COL4A5: variants seen among roughly 807,000 people sequenced by gnomAD.
The protein encoded by COL4A5 is collagen type IV alpha 5 chain, also known as collagen alpha-5(IV) chain.
A neutral mutation model predicts 130.2 loss-of-function variants in COL4A5; 26 were observed. The observed-to-expected ratio is 0.20, with a 90% CI of 0.15 to 0.28. The LOEUF is 0.28. Ranked by LOEUF, COL4A5 falls within the 10% of genes least tolerant of loss-of-function variation. The pLI, the probability that COL4A5 is intolerant of heterozygous loss-of-function variation, is 1.00. For missense variants in COL4A5, 1,131 were observed against 1,344.3 expected (o/e 0.84, Z 2.48); for synonymous variants, 496 against 439.6 (o/e 1.13, Z -1.60).
intron 1 of COL4A5, among the ~76,000 whole-genome samples, chrX:108,485,325 GCCGAAGTCCCCTTTACTTTT>G: frequency 9.0e-6 from 1 of 111,716 alleles, no homozygotes; most frequent in African/African-American, 3.3e-5. Flanking sequence ...TAAAGTGCAA[GCCGAAGTCCCCTTTACTTTT>G]CCCTCTCCTT....
At chrX:108,545,798 T>C (rs2065639663) in intron 2 of COL4A5, among the ~76,000 whole-genome samples, 1 of 111,537 alleles carries the variant, frequency 9.0e-6, no homozygotes, top group Admixed American at 9.5e-5. Flanking sequence ...GCTCCTGTAT[T>C]GGGTGCATAT....
At chrX:108,571,265 T>C (rs909413380) in intron 6 of COL4A5, 148 bp from the exon 7 acceptor site, 4 of 452,792 alleles carry the variant, frequency 8.8e-6, no homozygotes, top group Non-Finnish European at 1.2e-5. Context: ...ATTGAAGTAA[T>C]TGGAAAGTGA....
intron 6 of COL4A5, among the ~76,000 whole-genome samples, chrX:108,570,341 A>T (rs992307185): frequency 6.3e-5 from 7 of 111,084 alleles, no homozygotes; most frequent in Non-Finnish European, 9.4e-5. Flanking sequence ...TTACTTATTT[A>T]TTTTTGCCAG....
At chrX:108,477,031 A>G (rs2064839703) in intron 1 of COL4A5, among the ~76,000 whole-genome samples, 2 of 111,657 alleles carry the variant, frequency 1.8e-5, no homozygotes, top group Admixed American at 9.5e-5. Flanking sequence ...GGCTAGGCCC[A>G]TCTCTCATTT....
chrX:108,640,331 G>A (rs191587811), intron 36 of COL4A5, among the ~76,000 whole-genome samples: 1 of 111,629 alleles, frequency 9.0e-6, no homozygotes, highest in East Asian at 2.8e-4. Context: ...AAGGTACCTA[G>A]AACAGTCAAT....
In COL4A5 at chrX:108,630,044, A is replaced by G. The variant is rs776417986; in HGVS notation, c.3246+3695A>G. On this transcript the variant is annotated intron_variant, in intron 36 of 52. Transcript: ENST00000328300. ...GGTGTATATGTGCCACATTTTCTCA[A>G]TCCAGTGTATCATGGATGGACATTT... 1.9e-3 allele frequency among the ~76,000 whole-genome samples: 213 copies of G among 111,667 alleles called. 1 individual carries two copies. Among genetic ancestry groups the G allele is most frequent in the African/African-American group, 6.5e-3 (200 of 30,745 alleles).
At chrX:108,531,215 G>C (rs1330694162) in intron 1 of COL4A5, among the ~76,000 whole-genome samples, 2 of 62,159 alleles carry the variant, frequency 3.2e-5, no homozygotes, top group East Asian at 1.3e-3. Flanking sequence ...GTTGTGGGGT[G>C]GGGGGAGGGG....
chrX:108,670,061 A>G, intron 41 of COL4A5, 167 bp from the exon 42 acceptor site: 2 of 528,080 alleles, frequency 3.8e-6, no homozygotes, highest in Non-Finnish European at 3.0e-6. Flanking sequence ...GTTTATATAC[A>G]GATGCATGGA....
At chrX:108,591,539 A>G (rs760107717) in intron 20 of COL4A5, 22 bp from the exon 21 acceptor site, 24 of 1,141,489 alleles carry the variant, frequency 2.1e-5, no homozygotes, top group African/African-American at 5.4e-5. Context: ...TTAGCTTGCT[A>G]TCCTTTCTTT....
chrX:108,478,959 T>C (rs774852412), intron 1 of COL4A5, among the ~76,000 whole-genome samples: 1 of 111,979 alleles, frequency 8.9e-6, no homozygotes, highest in Non-Finnish European at 1.9e-5. Flanking sequence ...TGGTCTCTGC[T>C]GCTGGCAAAT....
rs185792942 is a variant in COL4A5, at chrX:108,640,105, A to G, written c.3246+13756A>G. ...TGTTTTTGTAGCCATGCTTCTAGCA[A>G]CATTATTCACAAGTCACAAGGTGGA... On this transcript the variant is annotated intron_variant, in intron 36 of 52. Coordinates refer to ENST00000328300, the MANE Select transcript of COL4A5 (RefSeq NM_033380.3). Among the ~76,000 whole-genome samples, 7 of 112,264 alleles carry G rather than the reference A, an allele frequency of 6.2e-5. No homozygotes were observed. The Admixed American group carries it at 6.6e-4, about 11-fold the overall frequency.
At chrX:108,640,527 G>C (rs2067442112) in intron 36 of COL4A5, among the ~76,000 whole-genome samples, 2 of 111,192 alleles carry the variant, frequency 1.8e-5, no homozygotes, top group African/African-American at 6.5e-5. Flanking sequence ...GTTGAGAGTA[G>C]ATCTTAATTG....
chrX:108,518,806 A>G (rs1419374130), intron 1 of COL4A5, among the ~76,000 whole-genome samples: 1 of 111,409 alleles, frequency 9.0e-6, no homozygotes, highest in Admixed American at 9.6e-5. Flanking sequence ...GTTCTGGTTA[A>G]AAGGCTTTCC....
At chrX:108,461,049 A>G (rs1222982377) in intron 1 of COL4A5, among the ~76,000 whole-genome samples, 2 of 110,675 alleles carry the variant, frequency 1.8e-5, no homozygotes, top group African/African-American at 6.6e-5. Context: ...TCATTTGTGT[A>G]TACTATATAA....
chrX:108,510,184 A>G (rs183744798), intron 1 of COL4A5, among the ~76,000 whole-genome samples: 1 of 111,572 alleles, frequency 9.0e-6, no homozygotes, highest in East Asian at 2.8e-4. Flanking sequence ...GGAGAAGAGC[A>G]GATAAAATAA....
intron 1 of COL4A5, among the ~76,000 whole-genome samples, chrX:108,473,633 A>ATATATATATATTTTTT: frequency 1.9e-3 from 67 of 34,549 alleles, no homozygotes; most frequent in Middle Eastern, 0.029. Flanking sequence ...ATATATATAT[A>ATATATATATATTTTTT]TTTTTTTTTT....
At chrX:108,605,508 G>A (rs1207936843) in intron 28 of COL4A5, among the ~76,000 whole-genome samples, 5 of 111,767 alleles carry the variant, frequency 4.5e-5, no homozygotes, top group Non-Finnish European at 9.4e-5. Flanking sequence ...CACCATAACA[G>A]ATATAATAAT....
chrX:108,636,881 A>G (rs1309898017), intron 36 of COL4A5, among the ~76,000 whole-genome samples: 1 of 109,707 alleles, frequency 9.1e-6, no homozygotes, highest in East Asian at 2.9e-4. Flanking sequence ...ATTAAACAAG[A>G]CGCTCTTAAC....
chrX:108,573,012 T>TTCCTCCTATCTTTGCC (rs934165208), intron 8 of COL4A5, among the ~76,000 whole-genome samples: 3 of 111,317 alleles, frequency 2.7e-5, no homozygotes, highest in Non-Finnish European at 3.8e-5. Flanking sequence ...CCTAATATTC[T>TTCCTCCTATCTTTGCC]TCCTCCTATC....
Sources: gnomAD v4.1 joint callset for allele counts (sites outside exome capture counted in the v4.1 genomes callset) on GRCh38, gnomAD v4.1.1 for gene constraint, MANE v1.5 for transcripts, NCBI Gene and HGNC (gene_info 2026-07-23, HGNC 2026-07-21) for gene names.